The following ZNF804B variants were observed in gnomAD, a reference collection of about 807,000 sequenced individuals.
ZNF804B encodes zinc finger 804B.
Under a neutral mutation model 101.4 loss-of-function variants are expected in ZNF804B, and 80 were observed. The ratio of observed to expected loss-of-function variants is 0.79; its 90% CI spans 0.66 to 0.95. The LOEUF (loss-of-function observed/expected upper bound fraction) is 0.95, where lower values mean the gene tolerates loss of function less well. Ranked by LOEUF, ZNF804B falls within the 40% of genes least tolerant of loss-of-function variation. ZNF804B has a pLI of 0.00. For synonymous variants in ZNF804B, 622 were observed against 558.8 expected (o/e 1.11, Z -1.59); for missense variants, 1,673 against 1,561.9 (o/e 1.07, Z -1.20).
intron 1 of ZNF804B, among the ~76,000 whole-genome samples, chr7:88,861,518 C>T (rs191163921): frequency 1.1e-4 from 16 of 152,156 alleles, no homozygotes; most frequent in Non-Finnish European, 2.1e-4. Context: ...AGATTTCATA[C>T]TTTATCCTCA....
At chr7:88,963,411 T>C (rs1015076362) in intron 1 of ZNF804B, among the ~76,000 whole-genome samples, 2 of 151,414 alleles carry the variant, frequency 1.3e-5, no homozygotes, top group Admixed American at 1.3e-4. Context: ...AACTTTTCAG[T>C]GAGGAAAAGG....
intron 1 of ZNF804B, among the ~76,000 whole-genome samples, chr7:88,798,813 G>A (rs1790532131): frequency 6.6e-6 from 1 of 152,040 alleles, no homozygotes; most frequent in Non-Finnish European, 1.5e-5. Context: ...GTGCCCAGGT[G>A]CCACAATCCT....
rs1343264868 is a variant in ZNF804B at position 89,335,421 on chromosome 7, TCAA to T, written c.2446_2448del (p.Gln816del). 1.9e-6 allele frequency: 3 copies of T among 1,613,620 alleles called. No homozygotes were observed. The highest frequency in any genetic ancestry group is 3.3e-5 in the Admixed American group (2 of 59,906). On this transcript the variant is annotated inframe_deletion, in exon 4 of 4. Coordinates refer to ENST00000333190, the MANE Select transcript of ZNF804B (RefSeq NM_181646.5). The stretch of plus-strand genomic sequence containing the variant: ...GAGAAAGACAAAAACTGGGCAAAAA[TCAA>T]CAACAATTTTCAGGGCTAAAATCTA...
intron 1 of ZNF804B, among the ~76,000 whole-genome samples, chr7:88,829,379 AATT>A (rs1421986060): frequency 1.3e-5 from 2 of 152,130 alleles, no homozygotes; most frequent in Non-Finnish European, 2.9e-5. Flanking sequence ...AAATATCAAG[AATT>A]ATTTTAGGAA....
intron 2 of ZNF804B, among the ~76,000 whole-genome samples, chr7:89,281,541 G>T (rs759553391): frequency 6.6e-6 from 1 of 152,066 alleles, no homozygotes; most frequent in Non-Finnish European, 1.5e-5. Context: ...AACAACTATC[G>T]TTTCTGCTCT....
At chr7:88,910,942 A>G (rs1792540667) in intron 1 of ZNF804B, among the ~76,000 whole-genome samples, 1 of 152,022 alleles carries the variant, frequency 6.6e-6, no homozygotes, top group Non-Finnish European at 1.5e-5. Context: ...GTAATAAATA[A>G]TTGTATCATT....
intron 1 of ZNF804B, among the ~76,000 whole-genome samples, chr7:88,798,569 TA>T (rs931085945): frequency 2.0e-4 from 30 of 152,136 alleles, no homozygotes; most frequent in African/African-American, 7.2e-4. Context: ...ATTTTCAAAT[TA>T]TTTTTTTGCT....
chr7:88,788,687 T>C (rs1394923501), intron 1 of ZNF804B, among the ~76,000 whole-genome samples: 1 of 152,180 alleles, frequency 6.6e-6, no homozygotes. Context: ...AACATAGTTG[T>C]ATAACACATA....
intron 1 of ZNF804B, among the ~76,000 whole-genome samples, chr7:88,818,329 T>C (rs1371965142): frequency 6.6e-6 from 1 of 152,114 alleles, no homozygotes; most frequent in Non-Finnish European, 1.5e-5. Flanking sequence ...GCTGATAAAT[T>C]AGGGATTATC....
intron 2 of ZNF804B, among the ~76,000 whole-genome samples, chr7:89,263,743 A>G (rs1455948716): frequency 6.6e-6 from 1 of 152,170 alleles, no homozygotes; most frequent in East Asian, 1.9e-4. Flanking sequence ...ATGTAAAGAT[A>G]GAGGCAAAGA....
At chr7:89,008,260 A>G (rs1024328482) in intron 1 of ZNF804B, among the ~76,000 whole-genome samples, 9 of 152,128 alleles carry the variant, frequency 5.9e-5, no homozygotes, top group Admixed American at 4.6e-4. Context: ...CACAGTTTCT[A>G]TGTATTTTTT....
intron 1 of ZNF804B, chr7:88,795,125 T>G (rs1790459487): frequency 2.1e-6 from 1 of 476,290 alleles, no homozygotes. Context: ...GCCAGTTTTA[T>G]CAGGAAACAA....
intron 1 of ZNF804B, among the ~76,000 whole-genome samples, chr7:89,007,334 A>T (rs1240897301): frequency 6.7e-6 from 1 of 150,194 alleles, no homozygotes; most frequent in Non-Finnish European, 1.5e-5. Flanking sequence ...TTATGTTTCT[A>T]TTTAATCCAG....
chr7:88,922,527 A>G (rs1211137260), intron 1 of ZNF804B, among the ~76,000 whole-genome samples: 1 of 152,034 alleles, frequency 6.6e-6, no homozygotes, highest in Non-Finnish European at 1.5e-5. Flanking sequence ...ATTAAAGGAT[A>G]TTTATGTACT....
chr7:88,854,496 C>CT (rs1562812814), intron 1 of ZNF804B, among the ~76,000 whole-genome samples: 4 of 72,230 alleles, frequency 5.5e-5, no homozygotes, highest in African/African-American at 2.4e-4. Flanking sequence ...CCTTTCCTTT[C>CT]CTTTCCTTTC....
rs768934748 is a variant in ZNF804B, at chr7:89,333,524, A to C, written c.542A>C (p.Gln181Pro). The C allele has an allele frequency of 1.2e-6, 2 of 1,613,378 alleles. No homozygotes were observed. The highest frequency in any genetic ancestry group is 1.7e-6 in the Non-Finnish European group (2 of 1,179,652). The change falls in exon 4 of 4, where the codon CAG (glutamine) becomes CCG (proline). Residue 181 changes from glutamine to proline, a missense_variant. By Grantham distance (76) the Gln-to-Pro change is moderately conservative. Transcript: ENST00000333190. ...KNLPRIISDK[Q>P]RSTMPNRHQL... The stretch of plus-strand genomic sequence containing the variant: ...CTCCCCAGAATCATATCCGATAAAC[A>C]GCGGTCCACCATGCCAAATCGACAC...
intron 3 of ZNF804B, among the ~76,000 whole-genome samples, chr7:89,328,157 A>G (rs1363953896): frequency 6.6e-6 from 1 of 151,964 alleles, no homozygotes; most frequent in Non-Finnish European, 1.5e-5. Context: ...AACCTAGTGA[A>G]TTGTGAAACT....
chr7:88,930,154 T>A, intron 1 of ZNF804B, among the ~76,000 whole-genome samples: 1 of 151,986 alleles, frequency 6.6e-6, no homozygotes, highest in East Asian at 1.9e-4. Flanking sequence ...GCACCTATAA[T>A]ATTACCTATA....
chr7:89,325,401 T>C (rs1354556862), intron 2 of ZNF804B, among the ~76,000 whole-genome samples: 2 of 152,024 alleles, frequency 1.3e-5, no homozygotes, highest in Non-Finnish European at 2.9e-5. Flanking sequence ...AACTCAACAC[T>C]ATCTTACAGA....
Sources: gnomAD v4.1 joint callset for allele counts (sites outside exome capture counted in the v4.1 genomes callset) on GRCh38, gnomAD v4.1.1 for gene constraint, MANE v1.5 for transcripts, NCBI Gene and HGNC (gene_info 2026-07-23, HGNC 2026-07-21) for gene names.